The following SOCS5 variants were observed in gnomAD, a reference collection of about 807,000 sequenced individuals.
SOCS5 encodes CIS-6.
Under a neutral mutation model 42.8 loss-of-function variants are expected in SOCS5, and 32 were observed. The ratio of observed to expected loss-of-function variants is 0.75; its 90% CI spans 0.56 to 1.01. The LOEUF (loss-of-function observed/expected upper bound fraction) is 1.01, where lower values mean the gene tolerates loss of function less well. Ranked by LOEUF, SOCS5 falls within the 50% of genes least tolerant of loss-of-function variation. The pLI, the probability that SOCS5 is intolerant of heterozygous loss-of-function variation, is 0.00. For missense variants in SOCS5, 627 were observed against 653.0 expected, an observed-to-expected ratio of 0.96 and a Z score of 0.43; for synonymous variants, 283 against 229.6, an observed-to-expected ratio of 1.23 and a Z score of -2.10.
At chr2:46,752,451 A>G (rs1360168147) in intron 1 of SOCS5, among the ~76,000 whole-genome samples, 2 of 152,106 alleles carry the variant, frequency 1.3e-5, no homozygotes. Context: ...TCCCCATAAT[A>G]GGCAACCATT....
At chr2:46,735,282 G>C (rs149586208) in intron 1 of SOCS5, among the ~76,000 whole-genome samples, 52 of 152,288 alleles carry the variant, frequency 3.4e-4, no homozygotes, top group African/African-American at 1.3e-3. Flanking sequence ...GTTCAAAATT[G>C]AGGTGTCTTT....
intron 1 of SOCS5, among the ~76,000 whole-genome samples, chr2:46,728,107 T>G (rs1244610643): frequency 9.2e-5 from 14 of 152,182 alleles, no homozygotes; most frequent in Admixed American, 9.2e-4. Context: ...GGGCTTCTCC[T>G]GGATCTCTGC....
At chr2:46,717,431 C>G (rs1380395464) in intron 1 of SOCS5, among the ~76,000 whole-genome samples, 1 of 152,086 alleles carries the variant, frequency 6.6e-6, no homozygotes, top group Non-Finnish European at 1.5e-5. Context: ...CAGGACAATT[C>G]TAGACTTTGC....
intron 1 of SOCS5, among the ~76,000 whole-genome samples, chr2:46,731,062 G>C (rs1017685939): frequency 9.8e-5 from 15 of 152,298 alleles, no homozygotes; most frequent in African/African-American, 3.6e-4. Context: ...GCATTAGCAA[G>C]ATGCGTACCA....
At chr2:46,740,849 T>C (rs1673357046) in intron 1 of SOCS5, among the ~76,000 whole-genome samples, 1 of 152,178 alleles carries the variant, frequency 6.6e-6, no homozygotes, top group South Asian at 2.1e-4. Context: ...CTTGGACTTC[T>C]GACCTGTTTT....
At chr2:46,726,414 A>C (rs997655114) in intron 1 of SOCS5, among the ~76,000 whole-genome samples, 1 of 151,956 alleles carries the variant, frequency 6.6e-6, no homozygotes, top group South Asian at 2.1e-4. Flanking sequence ...GGTTTATTCT[A>C]CTTGGTTTCT....
intron 1 of SOCS5, among the ~76,000 whole-genome samples, chr2:46,706,604 C>T (rs1450080924): frequency 6.6e-6 from 1 of 152,108 alleles, no homozygotes; most frequent in East Asian, 1.9e-4. Flanking sequence ...TGAATGGTTA[C>T]ATTAATAAAA....
intron 1 of SOCS5, among the ~76,000 whole-genome samples, chr2:46,700,730 C>T (rs1247441462): frequency 6.6e-6 from 1 of 152,142 alleles, no homozygotes; most frequent in Non-Finnish European, 1.5e-5. Flanking sequence ...ATATAGCACT[C>T]TTGAGAACAT....
At chr2:46,717,698 T>G (rs1236833132) in intron 1 of SOCS5, among the ~76,000 whole-genome samples, 2 of 152,180 alleles carry the variant, frequency 1.3e-5, no homozygotes, top group Non-Finnish European at 2.9e-5. Context: ...TTTATGCAAT[T>G]TTGTAAATTT....
chr2:46,702,059 C>G (rs955225970), intron 1 of SOCS5, among the ~76,000 whole-genome samples: 1 of 151,898 alleles, frequency 6.6e-6, no homozygotes, highest in African/African-American at 2.4e-5. Flanking sequence ...AGTGATTTAA[C>G]CACTGTGTAC....
chr2:46,734,096 C>T (rs1673188617), intron 1 of SOCS5, among the ~76,000 whole-genome samples: 1 of 152,166 alleles, frequency 6.6e-6, no homozygotes, highest in Non-Finnish European at 1.5e-5. Flanking sequence ...ATTATGGATT[C>T]ACAGAGGCCA....
intron 1 of SOCS5, among the ~76,000 whole-genome samples, chr2:46,757,913 C>A (rs1415514660): frequency 6.6e-6 from 1 of 152,130 alleles, no homozygotes; most frequent in African/African-American, 2.4e-5. Flanking sequence ...ATATTACATT[C>A]TTTTTCTTTC....
rs369756135 is a variant in SOCS5, at chr2:46,699,764, G to C, written c.-13+315G>C. On this transcript the variant is annotated intron_variant, in intron 1 of 1. Coordinates refer to ENST00000394861, the MANE Select transcript of SOCS5 (RefSeq NM_144949.3). The surrounding 1 kb of genome is among the most constrained non-coding windows in gnomAD (Gnocchi z 4.8). ...GAACGTGGGGTTCCTAAGGGGAAGG[G>C]GGTCGTCCGGGGCCAGTAGGAGGGC... Among the ~76,000 whole-genome samples, 8 of 152,272 alleles carry C rather than the reference G, an allele frequency of 5.3e-5. No homozygotes were observed. In the East Asian group the frequency reaches 5.8e-4, roughly 11 times the overall value.
chr2:46,734,354 T>C (rs1042846090), intron 1 of SOCS5, among the ~76,000 whole-genome samples: 1 of 152,182 alleles, frequency 6.6e-6, no homozygotes, highest in African/African-American at 2.4e-5. Context: ...AATACCAAGT[T>C]TCTGGTACTG....
At chr2:46,743,961 A>G (rs1673440066) in intron 1 of SOCS5, among the ~76,000 whole-genome samples, 1 of 151,260 alleles carries the variant, frequency 6.6e-6, no homozygotes, top group Non-Finnish European at 1.5e-5. Context: ...GTGGGTCTTT[A>G]TATCAGGGAT....
At chr2:46,752,035 G>T (rs1038810550) in intron 1 of SOCS5, among the ~76,000 whole-genome samples, 1 of 152,154 alleles carries the variant, frequency 6.6e-6, no homozygotes, top group African/African-American at 2.4e-5. Flanking sequence ...GGCTACAGTG[G>T]CAGAGTTCAG....
At chr2:46,729,361 C>T (rs75318456) in intron 1 of SOCS5, among the ~76,000 whole-genome samples, 1,745 of 152,174 alleles carry the variant, frequency 0.011, 21 homozygotes, top group Middle Eastern at 0.017. Context: ...AACAGGGATA[C>T]GTTCTGGGAA....
At chr2:46,723,688 T>A (rs1353377290) in intron 1 of SOCS5, among the ~76,000 whole-genome samples, 1 of 152,124 alleles carries the variant, frequency 6.6e-6, no homozygotes, top group East Asian at 1.9e-4. Context: ...GTTTTTATGA[T>A]GTTTTTAAAC....
At chr2:46,710,021 G>GC (rs1488918261) in intron 1 of SOCS5, among the ~76,000 whole-genome samples, 1 of 152,102 alleles carries the variant, frequency 6.6e-6, no homozygotes, top group Non-Finnish European at 1.5e-5. Flanking sequence ...AAAAGTTAAG[G>GC]CAAGGGTTCA....
Sources: allele counts gnomAD v4.1 joint callset (sites outside exome capture counted in the v4.1 genomes callset), GRCh38; gene constraint gnomAD v4.1.1; non-coding constraint Gnocchi (gnomAD v3.1); transcripts MANE v1.5; gene names NCBI Gene and HGNC (gene_info 2026-07-23, HGNC 2026-07-21).